The following NBEA variants were observed in gnomAD, a reference collection of about 807,000 sequenced individuals.
The protein encoded by NBEA is lysosomal-trafficking regulator 2.
NBEA carries 44 observed loss-of-function variants against 343.4 expected under a neutral mutation model. The observed-to-expected ratio is 0.13, with a 90% CI of 0.10 to 0.16. NBEA has a LOEUF of 0.16. NBEA is among the 10% of genes least tolerant of loss of function. NBEA has a pLI of 1.00. For missense variants in NBEA, 2,555 were observed against 3,631.3 expected (o/e 0.70, Z 7.62); for synonymous variants, 1,175 against 1,238.7 (o/e 0.95, Z 1.08).
At position 35,516,162 on chromosome 13, in the gene NBEA, A is replaced by G. The variant is rs574169428; in HGVS notation, c.6586-34315A>G. On this transcript the variant is annotated intron_variant, in intron 41 of 58. Coordinates refer to ENST00000379939, the MANE Select transcript of NBEA (RefSeq NM_001385012.1). ...GCTTAAATATGTATCCAATGGAGAT[A>G]CTCACTCAAAGATTAATTTGGGAAC... Among the ~76,000 whole-genome samples, 22 of 152,274 alleles carry G rather than the reference A, an allele frequency of 1.4e-4. 1 individual carries two copies. The highest frequency in any genetic ancestry group is 7.2e-4 in the Admixed American group (11 of 15,296).
chr13:35,367,136 G>T (rs1370182389), intron 38 of NBEA, among the ~76,000 whole-genome samples: 1 of 151,046 alleles, frequency 6.6e-6, no homozygotes, highest in Non-Finnish European at 1.5e-5. Flanking sequence ...TTTATATAAA[G>T]ATTATTATAG....
At chr13:35,086,744 A>G (rs1409210794) in intron 10 of NBEA, among the ~76,000 whole-genome samples, 7 of 151,868 alleles carry the variant, frequency 4.6e-5, no homozygotes, top group Non-Finnish European at 7.4e-5. Context: ...ACTCTTTTCC[A>G]TAGTGGTTGT....
intron 36 of NBEA, among the ~76,000 whole-genome samples, chr13:35,320,913 G>A (rs1451167933): frequency 6.6e-6 from 1 of 151,908 alleles, no homozygotes; most frequent in Non-Finnish European, 1.5e-5. Context: ...GCTTCATGAA[G>A]TTCTCGTGTT....
At chr13:35,566,850 C>A in intron 44 of NBEA, 55 bp from the exon 45 acceptor site, 2 of 941,382 alleles carry the variant, frequency 2.1e-6, no homozygotes, top group Non-Finnish European at 3.3e-6. Flanking sequence ...AAAACAGAAA[C>A]TATTTCATAA....
intron 10 of NBEA, among the ~76,000 whole-genome samples, chr13:35,092,435 C>G (rs532299452): frequency 2.0e-5 from 3 of 152,010 alleles, no homozygotes; most frequent in Admixed American, 2.0e-4. Flanking sequence ...AGACACAGTA[C>G]AGGCTGGAGG....
chr13:34,988,728 C>G (rs973290774), intron 1 of NBEA, among the ~76,000 whole-genome samples: 2 of 151,172 alleles, frequency 1.3e-5, no homozygotes, highest in South Asian at 2.1e-4. Flanking sequence ...CTTCTTGTCT[C>G]GACGTTTACT....
intron 8 of NBEA, among the ~76,000 whole-genome samples, chr13:35,064,289 G>A (rs1416868735): frequency 6.6e-6 from 1 of 151,952 alleles, no homozygotes; most frequent in East Asian, 1.9e-4. Flanking sequence ...AGAGGAACCA[G>A]CAAAGGAGAA....
chr13:35,546,384 G>C (rs188042340), intron 41 of NBEA, among the ~76,000 whole-genome samples: 3 of 151,346 alleles, frequency 2.0e-5, no homozygotes, highest in Non-Finnish European at 4.4e-5. Context: ...AGAATCGCTC[G>C]AACCCAGGAG....
chr13:35,306,204 C>T (rs996504485), intron 35 of NBEA, among the ~76,000 whole-genome samples: 1 of 151,976 alleles, frequency 6.6e-6, no homozygotes, highest in African/African-American at 2.4e-5. Flanking sequence ...TCTTCCTTAA[C>T]CCTGGTGTTC....
intron 1 of NBEA, among the ~76,000 whole-genome samples, chr13:34,944,524 AATC>A (rs1211289683): frequency 3.9e-5 from 6 of 152,154 alleles, no homozygotes; most frequent in African/African-American, 1.4e-4. Flanking sequence ...CTTTCAAATA[AATC>A]ATCATGAAAA....
At chr13:35,421,508 T>C (rs1171975926) in intron 38 of NBEA, among the ~76,000 whole-genome samples, 1 of 152,076 alleles carries the variant, frequency 6.6e-6, no homozygotes, top group Non-Finnish European at 1.5e-5. Flanking sequence ...CCAGTAAATA[T>C]ACTTAGAACC....
At chr13:35,661,444 C>T (rs2085085590) in intron 55 of NBEA, among the ~76,000 whole-genome samples, 2 of 152,202 alleles carry the variant, frequency 1.3e-5, no homozygotes, top group Non-Finnish European at 2.9e-5. Flanking sequence ...CCGTATCTGT[C>T]TTCCATTCTT....
intron 49 of NBEA, among the ~76,000 whole-genome samples, chr13:35,639,532 T>C (rs1372392872): frequency 5.3e-5 from 8 of 152,186 alleles, no homozygotes; most frequent in Non-Finnish European, 2.9e-5. Context: ...CAATCACATG[T>C]ATTTTTTTAT....
chr13:35,308,773 T>C (rs750942833), intron 35 of NBEA, among the ~76,000 whole-genome samples: 3 of 150,206 alleles, frequency 2.0e-5, no homozygotes, highest in Non-Finnish European at 4.4e-5. Context: ...AAAAACAGTA[T>C]ATAAATTATA....
intron 38 of NBEA, among the ~76,000 whole-genome samples, chr13:35,369,487 T>C (rs138420109): frequency 1.8e-3 from 281 of 152,048 alleles, no homozygotes; most frequent in African/African-American, 6.0e-3. Context: ...AATATGATGA[T>C]ATTAACAATG....
Position 35,566,968 on chromosome 13 carries a change from C to A in NBEA, c.6986C>A (p.Ser2329Ter). ...VFPWVLTNYE[S>*]EELDLTLPGN... is the part of the protein sequence containing the mutation. ...CCGTGGGTGTTAACCAACTATGAAT[C>A]AGAAGAGTTGGACCTGACTCTTCCA... The change falls in exon 45 of 59, where the codon TCA becomes TAA. Residue 2329 changes from serine to a stop codon, truncating the protein, a stop_gained. Coordinates refer to ENST00000379939, the MANE Select transcript of NBEA (RefSeq NM_001385012.1). LOFTEE classifies it high-confidence loss of function. 6.2e-7 allele frequency: 1 copy of A among 1,612,704 alleles called. No homozygotes were observed. Among genetic ancestry groups the A allele is most frequent in the Non-Finnish European group, 8.5e-7 (1 of 1,178,948 alleles).
At chr13:35,024,153 G>A (rs2061938691) in intron 1 of NBEA, among the ~76,000 whole-genome samples, 1 of 152,114 alleles carries the variant, frequency 6.6e-6, no homozygotes. Flanking sequence ...CTGCAACCAT[G>A]TTGTTGCAAA....
At chr13:35,392,455 G>T (rs910763095) in intron 38 of NBEA, among the ~76,000 whole-genome samples, 4 of 150,162 alleles carry the variant, frequency 2.7e-5, no homozygotes, top group African/African-American at 9.8e-5. Flanking sequence ...ACTTGAGCCA[G>T]TATGTGTGTG....
At chr13:35,439,689 C>G (rs2045629936) in intron 39 of NBEA, among the ~76,000 whole-genome samples, 1 of 152,062 alleles carries the variant, frequency 6.6e-6, no homozygotes. Context: ...ATGTAACAAA[C>G]CTGCACGTTG....
Sources: allele counts gnomAD v4.1 joint callset (sites outside exome capture counted in the v4.1 genomes callset), GRCh38; gene constraint gnomAD v4.1.1; transcripts MANE v1.5; gene names NCBI Gene and HGNC (gene_info 2026-07-23, HGNC 2026-07-21).